The following TACR1 variants were observed in gnomAD, a reference collection of about 807,000 sequenced individuals.
TACR1 encodes the protein substance-P receptor.
In TACR1, 25 loss-of-function variants were observed where a neutral mutation model predicts 35.8. The ratio of observed to expected loss-of-function variants is 0.70; its 90% confidence interval spans 0.51 to 0.98. The LOEUF (loss-of-function observed/expected upper bound fraction) is 0.98, where lower values mean the gene tolerates loss of function less well. Ranked by LOEUF, TACR1 falls within the 50% of genes least tolerant of loss-of-function variation. The pLI, the probability that TACR1 is intolerant of heterozygous loss-of-function variation, is 0.00. For synonymous variants in TACR1, 195 were observed against 206.7 expected (o/e 0.94, Z 0.48); for missense variants, 478 against 522.9 (o/e 0.91, Z 0.84).
At chr2:75,156,872 A>C (rs1674872711) in intron 1 of TACR1, among the ~76,000 whole-genome samples, 1 of 152,126 alleles carries the variant, frequency 6.6e-6, no homozygotes, top group Non-Finnish European at 1.5e-5. Context: ...TTTTCTTCTA[A>C]ATGAAGTAAA....
chr2:75,115,451 C>G (rs1673833336), intron 2 of TACR1, among the ~76,000 whole-genome samples: 1 of 152,024 alleles, frequency 6.6e-6, no homozygotes, highest in African/African-American at 2.4e-5. Context: ...ATGATATAGT[C>G]TATTTTTGAG....
chr2:75,108,726 G>GA (rs141245841), intron 2 of TACR1, among the ~76,000 whole-genome samples: 16 of 151,826 alleles, frequency 1.1e-4, no homozygotes, highest in African/African-American at 1.9e-4. Flanking sequence ...TGTATTCCTA[G>GA]AAAAAAACAG....
intron 1 of TACR1, among the ~76,000 whole-genome samples, chr2:75,153,383 A>T (rs1459680015): frequency 1.6e-5 from 2 of 127,688 alleles, no homozygotes; most frequent in Admixed American, 1.7e-4. Flanking sequence ...TTCTCAGAAG[A>T]TAGTCCTGAC....
At chr2:75,143,566 A>G (rs1023518752) in intron 1 of TACR1, among the ~76,000 whole-genome samples, 2 of 152,226 alleles carry the variant, frequency 1.3e-5, no homozygotes, top group Non-Finnish European at 2.9e-5. Flanking sequence ...ATGGTATTCC[A>G]TAAAGGAGGT....
In TACR1 at chr2:75,082,421, T is replaced by G. The variant is rs10202337; in HGVS notation, c.585-28666A>C. ...TGTCTTTATAGCAGCATGATTTATA[T>G]TCCTTTGGGTATATACCCAGTAATG... On this transcript the variant is annotated intron_variant, in intron 2 of 4. Coordinates refer to ENST00000305249, the MANE Select transcript of TACR1 (RefSeq NM_001058.4). 6.5e-3 allele frequency among the ~76,000 whole-genome samples: 991 copies of G among 152,316 alleles called. 10 individuals carry two copies. The highest frequency in any genetic ancestry group is 0.022 in the African/African-American group (931 of 41,572).
At chr2:75,147,146 A>T (rs1385412645) in intron 1 of TACR1, among the ~76,000 whole-genome samples, 1 of 152,238 alleles carries the variant, frequency 6.6e-6, no homozygotes, top group South Asian at 2.1e-4. Flanking sequence ...GTCTAAGCAG[A>T]TGCCAGCACT....
At chr2:75,095,267 G>A (rs1183794565) in intron 2 of TACR1, among the ~76,000 whole-genome samples, 2 of 152,128 alleles carry the variant, frequency 1.3e-5, no homozygotes, top group African/African-American at 4.8e-5. Context: ...CACTTGGGTG[G>A]TGGCACACCC....
At chr2:75,155,653 C>A (rs190773166) in intron 1 of TACR1, among the ~76,000 whole-genome samples, 39 of 152,302 alleles carry the variant, frequency 2.6e-4, no homozygotes, top group Admixed American at 1.2e-3. Context: ...CACCAATTAC[C>A]CTCCATTATT....
intron 2 of TACR1, among the ~76,000 whole-genome samples, chr2:75,082,602 T>A (rs1217337183): frequency 5.3e-5 from 8 of 152,368 alleles, no homozygotes; most frequent in African/African-American, 1.9e-4. Flanking sequence ...TCCTGACTTT[T>A]TAATGATTGC....
chr2:75,146,439 C>T (rs1419430702), intron 1 of TACR1, among the ~76,000 whole-genome samples: 2 of 152,098 alleles, frequency 1.3e-5, no homozygotes, highest in African/African-American at 2.4e-5. Context: ...ATCTTAGAAA[C>T]CAAAGAAGAC....
intron 3 of TACR1, among the ~76,000 whole-genome samples, chr2:75,053,002 T>A (rs761456676): frequency 6.6e-6 from 1 of 152,184 alleles, no homozygotes; most frequent in Non-Finnish European, 1.5e-5. Context: ...CACTGACCAT[T>A]CATCAAACTA....
intron 1 of TACR1, chr2:75,188,411 T>G (rs1030877088): frequency 2.6e-5 from 4 of 152,226 alleles, no homozygotes; most frequent in African/African-American, 9.6e-5. Flanking sequence ...CTCAATTATA[T>G]TCTATGATAG....
chr2:75,149,429 T>G (rs1392387649), intron 1 of TACR1, among the ~76,000 whole-genome samples: 1 of 152,202 alleles, frequency 6.6e-6, no homozygotes, highest in Non-Finnish European at 1.5e-5. Flanking sequence ...CAGTGGTTTG[T>G]AGTTCTCCTT....
chr2:75,146,319 C>T (rs1403333581), intron 1 of TACR1, among the ~76,000 whole-genome samples: 4 of 152,076 alleles, frequency 2.6e-5, no homozygotes, highest in Non-Finnish European at 5.9e-5. Flanking sequence ...CACAGTGTTT[C>T]ACCATGTTGA....
intron 2 of TACR1, among the ~76,000 whole-genome samples, chr2:75,106,395 C>T (rs1467721964): frequency 6.6e-6 from 1 of 151,996 alleles, no homozygotes; most frequent in Non-Finnish European, 1.5e-5. Flanking sequence ...AAAAACTCTA[C>T]TGTAGACTCA....
chr2:75,076,275 G>T (rs768459864), intron 2 of TACR1, among the ~76,000 whole-genome samples: 1 of 152,314 alleles, frequency 6.6e-6, no homozygotes, highest in South Asian at 2.1e-4. Flanking sequence ...GGCAGCTGGC[G>T]CTGTTTACTC....
chr2:75,127,525 T>C (rs1373568646), intron 1 of TACR1, among the ~76,000 whole-genome samples: 1 of 152,158 alleles, frequency 6.6e-6, no homozygotes, highest in Non-Finnish European at 1.5e-5. Context: ...TGCCAGCTGA[T>C]AGCAAGGGCG....
chr2:75,191,791 C>G (rs1390625662), intron 1 of TACR1, among the ~76,000 whole-genome samples: 1 of 152,114 alleles, frequency 6.6e-6, no homozygotes, highest in East Asian at 1.9e-4. Context: ...TAGATTTTGG[C>G]TGATGTGTGC....
Position 75,068,975 on chromosome 2 carries a change from G to A in TACR1, c.585-15220C>T, listed in dbSNP as rs980147327. Among the ~76,000 whole-genome samples, 9 of 152,312 alleles carry A rather than the reference G, an allele frequency of 5.9e-5. No homozygotes were observed. The East Asian group carries it at 1.7e-3, about 29-fold the overall frequency. Reference sequence around the variant, plus strand: ...CACCCAAATCTCATTTTGAATTGTAGCTCCCATAATTCCCACTTGTCATGG... The same window carrying A: ...CACCCAAATCTCATTTTGAATTGTAACTCCCATAATTCCCACTTGTCATGG... On this transcript the variant is annotated intron_variant, in intron 2 of 4. Coordinates refer to ENST00000305249, the MANE Select transcript of TACR1 (RefSeq NM_001058.4).
Sources: gnomAD v4.1 joint callset for allele counts (sites outside exome capture counted in the v4.1 genomes callset) on GRCh38, gnomAD v4.1.1 for gene constraint, MANE v1.5 for transcripts, NCBI Gene and HGNC (gene_info 2026-07-23, HGNC 2026-07-21) for gene names.